The following ZSCAN29 variants were observed in gnomAD, a reference collection of about 807,000 sequenced individuals.
The protein encoded by ZSCAN29 is zinc finger and SCAN domain containing 29.
ZSCAN29 carries 55 observed loss-of-function variants against 71.9 expected under a neutral mutation model. The ratio of observed to expected loss-of-function variants is 0.76; its 90% CI spans 0.62 to 0.96. The LOEUF (loss-of-function observed/expected upper bound fraction) is 0.96, where lower values mean the gene tolerates loss of function less well. Ranked by LOEUF, ZSCAN29 falls within the 40% of genes least tolerant of loss-of-function variation. ZSCAN29 has a pLI of 0.00. For synonymous variants in ZSCAN29, 351 were observed against 371.6 expected, an observed-to-expected ratio of 0.94 and a Z score of 0.64; for missense variants, 1,042 against 1,042.2, an observed-to-expected ratio of 1.00 and a Z score of 0.00.
chr15:43,365,298 C>G (rs2044024848), intron 4 of ZSCAN29, among the ~76,000 whole-genome samples: 1 of 152,182 alleles, frequency 6.6e-6, no homozygotes, highest in African/African-American at 2.4e-5. Context: ...CTTTGGTGCT[C>G]TTTCCATAAC....
rs773604219 is a variant in ZSCAN29, at chr15:43,364,219, C to T, written c.1386G>A (p.Arg462=). 35 of 1,614,086 alleles carry T rather than the reference C, an allele frequency of 2.2e-5. No homozygotes were observed. The highest frequency in any genetic ancestry group is 1.4e-5 in the Non-Finnish European group (17 of 1,180,054). ...TGGTTTGCAGGCTTTTAAACTTGGT[C>T]CGACACTGTTCTGGGGTCCTAAGAA... ...YGFLRTPEQC[R]TKFKSLQTSY... The change falls in exon 5 of 6, where the codon CGG becomes CGA. Residue 462 remains arginine (R), a synonymous_variant. Transcript: ENST00000684362.
intron 5 of ZSCAN29, among the ~76,000 whole-genome samples, chr15:43,363,589 TG>T (rs1201846247): frequency 1.3e-5 from 2 of 152,190 alleles, no homozygotes; most frequent in African/African-American, 4.8e-5. Context: ...CATCCTACCG[TG>T]GGTACGTGAC....
At chr15:43,367,772 G>T (rs1225614641) in intron 3 of ZSCAN29, among the ~76,000 whole-genome samples, 2 of 152,182 alleles carry the variant, frequency 1.3e-5, no homozygotes, top group Non-Finnish European at 2.9e-5. Context: ...GATGAACTCT[G>T]CAAGTCTGTG....
At position 43,366,719 on chromosome 15, in the gene ZSCAN29, G is replaced by T. The variant is rs2044043784; in HGVS notation, c.613C>A (p.Leu205Ile). 1.2e-6 allele frequency: 2 copies of T among 1,614,064 alleles called. No individual in the cohort carries two copies. Among genetic ancestry groups the T allele is most frequent in the Admixed American group, 3.3e-5 (2 of 59,996 alleles). ...PDLLGSKEKELPSGSHIGDRR... is the reference protein window; with the variant it reads ...PDLLGSKEKEIPSGSHIGDRR... ...TCTCCTATGTGGCTGCCACTTGGAA[G>T]TTCTTTCTCCTTAGAGCCCAGCAGA... Residue 205 changes from leucine to isoleucine, a missense_variant, in exon 4 of 6, where the codon CTT becomes ATT. Transcript: ENST00000684362.
intron 3 of ZSCAN29, among the ~76,000 whole-genome samples, chr15:43,367,419 C>T (rs974481411): frequency 1.3e-5 from 2 of 152,144 alleles, no homozygotes; most frequent in African/African-American, 4.8e-5. Context: ...CAGACTCTTC[C>T]CTTCAGAACA....
chr15:43,364,345 A>G lies in ZSCAN29; in HGVS notation c.1260T>C (p.Leu420=). 1 of 1,614,138 alleles carries G rather than the reference A, an allele frequency of 6.2e-7. No homozygotes were observed. The highest frequency in any genetic ancestry group is 8.5e-7 in the Non-Finnish European group (1 of 1,180,030). The change falls in exon 5 of 6, where the codon CTT becomes CTC. Residue 420 remains leucine (L), a synonymous_variant. Transcript: ENST00000684362. ...HWGYEETKTY[L]AILSETQFYE... ...AAAACTGGGTCTCACTAAGAATTGC[A>G]AGGTAAGTCTTGGTCTCTTCATAGC...
Position 43,366,495 on chromosome 15 carries a change from A to G in ZSCAN29, c.837T>C (p.Tyr279=), listed in dbSNP as rs1488654979. The change falls in exon 4 of 6, where the codon TAT becomes TAC. Residue 279 remains tyrosine (Y), a synonymous_variant. Transcript: ENST00000684362. ...CCCTGAGCCGCTCAGCCACAGCCCC[A>G]TACACTTGGCTGTTCCTATGGCAGT... The part of the protein sequence containing the change: ...LRNCHRNSQV[Y]GAVAERLREY... The G allele has an allele frequency of 3.1e-6, 5 of 1,614,168 alleles. No homozygotes were observed. The highest frequency in any genetic ancestry group is 4.2e-6 in the Non-Finnish European group (5 of 1,180,036).
At chr15:43,367,175 A>AT (rs1166733504) in intron 3 of ZSCAN29, among the ~76,000 whole-genome samples, 1 of 152,134 alleles carries the variant, frequency 6.6e-6, no homozygotes, top group Admixed American at 6.5e-5. Flanking sequence ...GCGAGAGAAG[A>AT]TTGTCTTTAC....
At chr15:43,367,648 A>G (rs995505890) in intron 3 of ZSCAN29, among the ~76,000 whole-genome samples, 2 of 152,210 alleles carry the variant, frequency 1.3e-5, no homozygotes, top group Admixed American at 6.5e-5. Flanking sequence ...CACATACTTA[A>G]GAGTTAGCTA....
Position 43,361,802 on chromosome 15 carries a change from G to A in ZSCAN29, c.1830C>T (p.Asp610=). Residue 610 remains aspartate, a synonymous_variant, in exon 6 of 6, where the codon GAC becomes GAT. Coordinates refer to ENST00000684362, the MANE Select transcript of ZSCAN29 (RefSeq NM_001372080.1). ...TTGCCCACTGTCTTCCTGATCTACA[G>A]TCACTCTCATTGCCTTTACCCTGAT... The part of the protein sequence containing the change: ...YLHQGKGNES[D]CRSGRQWAKT... The A allele has an allele frequency of 6.2e-7, 1 of 1,614,142 alleles. No homozygotes were observed. Among genetic ancestry groups the A allele is most frequent in the Non-Finnish European group, 8.5e-7 (1 of 1,180,026 alleles).
At chr15:43,367,766 A>T (rs2142735702) in intron 3 of ZSCAN29, among the ~76,000 whole-genome samples, 1 of 152,336 alleles carries the variant, frequency 6.6e-6, no homozygotes, top group Non-Finnish European at 1.5e-5. Flanking sequence ...AAAACTGATG[A>T]ACTCTGCAAG....
chr15:43,364,633 C>T (rs2044017641), intron 4 of ZSCAN29: 2 of 535,328 alleles, frequency 3.7e-6, no homozygotes, highest in Admixed American at 5.1e-5. Flanking sequence ...GCTGGCCAGG[C>T]ACAGTGGCTT....
chr15:43,363,148 T>C (rs1335377188), intron 5 of ZSCAN29, among the ~76,000 whole-genome samples: 1 of 152,156 alleles, frequency 6.6e-6, no homozygotes, highest in East Asian at 1.9e-4. Context: ...TGGCTAATTT[T>C]TTGTATTTTT....
Position 43,361,157 on chromosome 15 carries a change from C to CT in ZSCAN29, c.2474dup (p.Cys826ValfsTer4). On this transcript the variant is annotated frameshift_variant, in exon 6 of 6. Coordinates refer to ENST00000684362, the MANE Select transcript of ZSCAN29 (RefSeq NM_001372080.1). LOFTEE classifies it high-confidence loss of function. Reference sequence around the variant, plus strand: ...TAAGGGCAGAGCTTTTACTGAAGCACTTACCACAGTCATGACACCCATAGG... The same window carrying CT: ...TAAGGGCAGAGCTTTTACTGAAGCACTTTACCACAGTCATGACACCCATAGG... 1 of 1,614,160 alleles carries CT rather than the reference C, an allele frequency of 6.2e-7. No homozygotes were observed. Among genetic ancestry groups the CT allele is most frequent in the Middle Eastern group, 1.6e-4 (1 of 6,062 alleles).
Position 43,370,009 on chromosome 15 carries a change from G to T in ZSCAN29, c.-96C>A, listed in dbSNP as rs2044085796. On this transcript the variant is annotated 5_prime_UTR_variant, in exon 2 of 6. It introduces an in-frame stop codon into an upstream open reading frame of the 5' UTR. Coordinates refer to ENST00000684362, the MANE Select transcript of ZSCAN29 (RefSeq NM_001372080.1). ...CTTGGAGAATCCCCTGCAGATGACT[G>T]TAAGAGGTGTTTCTTCCTAGGGCAG... 1 of 1,253,564 alleles carries T rather than the reference G, an allele frequency of 8.0e-7. No individual in the cohort carries two copies. The highest frequency in any genetic ancestry group is 1.1e-6 in the Non-Finnish European group (1 of 910,870). The allele number at this position is 1,253,564 out of a possible 1,614,324, so 77.7% of individuals were successfully genotyped here. A position where few individuals can be genotyped will look rare whatever the true frequency, so the allele number is the denominator to read the frequency against.
At chr15:43,370,115 A>T in intron 1 of ZSCAN29, 90 bp from the exon 2 acceptor site, 2 of 597,992 alleles carry the variant, frequency 3.3e-6, no homozygotes, top group Non-Finnish European at 5.7e-6. Context: ...ATGTGCTCCG[A>T]GTGGCCTTCT....
chr15:43,365,576 G>C (rs950647739), intron 4 of ZSCAN29, among the ~76,000 whole-genome samples: 5 of 152,172 alleles, frequency 3.3e-5, no homozygotes, highest in Admixed American at 3.3e-4. Context: ...GGGCAACACA[G>C]CAAGACCCTG....
chr15:43,368,754 G>A (rs2044064654), intron 3 of ZSCAN29, among the ~76,000 whole-genome samples, 169 bp downstream of exon 3: 1 of 152,174 alleles, frequency 6.6e-6, no homozygotes, highest in Non-Finnish European at 1.5e-5. Context: ...CCATTCTCTT[G>A]TGGACTTATC....
At chr15:43,364,979 AT>A (rs1323246004) in intron 4 of ZSCAN29, among the ~76,000 whole-genome samples, 2 of 152,040 alleles carry the variant, frequency 1.3e-5, no homozygotes, top group African/African-American at 4.8e-5. Context: ...TAACCTACAT[AT>A]ATTTGTGTCT....
Sources: gnomAD v4.1 joint callset for allele counts (sites outside exome capture counted in the v4.1 genomes callset) on GRCh38, gnomAD v4.1.1 for gene constraint, MANE v1.5 for transcripts, NCBI Gene and HGNC (gene_info 2026-07-23, HGNC 2026-07-21) for gene names.